Variants in APBB2 observed in about 807,000 individuals in gnomAD.
The protein encoded by APBB2 is amyloid beta precursor protein binding family B member 2, also known as Fe65-like 1.
In APBB2, 38 loss-of-function variants were observed where a neutral mutation model predicts 82.5. The observed-to-expected ratio is 0.46, with a 90% CI of 0.36 to 0.60. The LOEUF is 0.60. Ranked by LOEUF, APBB2 falls within the 20% of genes least tolerant of loss-of-function variation. The pLI, the probability that APBB2 is intolerant of heterozygous loss-of-function variation, is 0.00. For missense variants in APBB2, 772 were observed against 972.3 expected (o/e 0.79, Z 2.74); for synonymous variants, 341 against 368.2 (o/e 0.93, Z 0.85).
chr4:41,180,579 T>A (rs1184742249), intron 1 of APBB2, among the ~76,000 whole-genome samples: 1 of 151,934 alleles, frequency 6.6e-6, no homozygotes, highest in Non-Finnish European at 1.5e-5. Context: ...GCCCAGGAGG[T>A]CGAGGCTGCA....
intron 1 of APBB2, among the ~76,000 whole-genome samples, chr4:41,163,519 A>G (rs764235456): frequency 1.3e-5 from 2 of 152,208 alleles, no homozygotes; most frequent in Non-Finnish European, 2.9e-5. Flanking sequence ...TTTCAGAGAA[A>G]GAAGATTACT....
intron 10 of APBB2, among the ~76,000 whole-genome samples, chr4:40,908,699 A>G (rs1007168255): frequency 6.6e-6 from 1 of 152,154 alleles, no homozygotes; most frequent in East Asian, 1.9e-4. Flanking sequence ...TAATCCCTCA[A>G]TGGGGAGTGA....
chr4:41,078,980 T>C (rs1736600769), intron 3 of APBB2, among the ~76,000 whole-genome samples: 1 of 152,070 alleles, frequency 6.6e-6, no homozygotes, highest in Admixed American at 6.5e-5. Context: ...CAACCCTGAA[T>C]CTAGAACCAG....
chr4:40,906,506 AAAAAG>A (rs1560857063), intron 10 of APBB2, among the ~76,000 whole-genome samples: 1 of 151,620 alleles, frequency 6.6e-6, no homozygotes, highest in Non-Finnish European at 1.5e-5. Flanking sequence ...AAAGAAAAGA[AAAAAG>A]AAAACAAAAA....
At chr4:41,148,044 A>G (rs1286992177) in intron 1 of APBB2, among the ~76,000 whole-genome samples, 1 of 152,210 alleles carries the variant, frequency 6.6e-6, no homozygotes, top group Non-Finnish European at 1.5e-5. Context: ...AAAGAAGAAT[A>G]TAAATTGTTT....
At chr4:41,135,325 C>T (rs900652348) in intron 2 of APBB2, among the ~76,000 whole-genome samples, 1 of 152,068 alleles carries the variant, frequency 6.6e-6, no homozygotes, top group East Asian at 1.9e-4. Flanking sequence ...ACAAACTGCA[C>T]CGAAAGATTT....
At chr4:40,934,315 A>T in intron 10 of APBB2, 141 bp downstream of exon 10, 1 of 783,052 alleles carries the variant, frequency 1.3e-6, no homozygotes, top group Non-Finnish European at 2.1e-6. Flanking sequence ...AGTGTCAGGG[A>T]GATTAGGAAA....
chr4:41,208,125 A>G (rs1208465541), intron 1 of APBB2, among the ~76,000 whole-genome samples: 2 of 152,190 alleles, frequency 1.3e-5, no homozygotes, highest in East Asian at 3.8e-4. Context: ...ACAGGGACAC[A>G]TCCCATACCT....
At chr4:40,907,877 C>T (rs559729747) in intron 10 of APBB2, among the ~76,000 whole-genome samples, 2 of 150,922 alleles carry the variant, frequency 1.3e-5, no homozygotes, top group African/African-American at 4.9e-5. Flanking sequence ...CCATGTTGCC[C>T]AGGCTGGTCT....
At position 40,919,545 on chromosome 4, in the gene APBB2, A is replaced by T. The variant is rs114750380; in HGVS notation, c.1254+14911T>A. Among the ~76,000 whole-genome samples, 1,095 of 152,338 alleles carry T rather than the reference A, an allele frequency of 7.2e-3. 14 individuals are homozygous for T. The highest frequency in any genetic ancestry group is 0.025 in the African/African-American group (1,039 of 41,554). Reference sequence around the variant, plus strand: ...TATGACATACTGTAAAACACTGCTAACATCATGATTCCCAGGCTCAGAGAA... The same window carrying T: ...TATGACATACTGTAAAACACTGCTATCATCATGATTCCCAGGCTCAGAGAA... On this transcript the variant is annotated intron_variant, in intron 10 of 17. Coordinates refer to ENST00000508593, the MANE Select transcript of APBB2 (RefSeq NM_004307.2).
At chr4:40,855,144 G>A (rs952977789) in intron 12 of APBB2, among the ~76,000 whole-genome samples, 8 of 152,262 alleles carry the variant, frequency 5.3e-5, no homozygotes, top group East Asian at 1.9e-4. Flanking sequence ...CCTCCAAGGC[G>A]GCCATCAGCA....
intron 12 of APBB2, among the ~76,000 whole-genome samples, chr4:40,860,808 G>A (rs975539778): frequency 2.0e-5 from 3 of 151,956 alleles, no homozygotes; most frequent in African/African-American, 4.8e-5. Flanking sequence ...ATATGACCAG[G>A]TAATCAGAAT....
chr4:41,075,803 T>C (rs1735450814), intron 3 of APBB2, among the ~76,000 whole-genome samples: 1 of 152,236 alleles, frequency 6.6e-6, no homozygotes, highest in South Asian at 2.1e-4. Flanking sequence ...TTTTCTATTA[T>C]ATTCTCAAAC....
intron 6 of APBB2, among the ~76,000 whole-genome samples, chr4:40,989,367 C>T (rs1033019305): frequency 6.6e-6 from 1 of 152,066 alleles, no homozygotes; most frequent in Non-Finnish European, 1.5e-5. Context: ...CGTTCATTTC[C>T]TGGGAGCAAA....
At chr4:40,913,756 A>G (rs1578392599) in intron 10 of APBB2, among the ~76,000 whole-genome samples, 2 of 151,992 alleles carry the variant, frequency 1.3e-5, no homozygotes, top group East Asian at 3.9e-4. Flanking sequence ...CTTTTTTCAC[A>G]TTTTCGTGCC....
intron 12 of APBB2, among the ~76,000 whole-genome samples, chr4:40,844,274 A>G (rs910573733): frequency 2.0e-5 from 3 of 152,182 alleles, no homozygotes; most frequent in African/African-American, 7.2e-5. Context: ...GTTACATGGT[A>G]TGCCCCACAA....
In APBB2 at chr4:41,193,581, T is replaced by C; in HGVS notation, c.-417+20824A>G. ...GGGACTCCCCAAGGTAAGCTACTTT[T>C]TGTCAGTGAGCTTAACATGTTCCTT... On this transcript the variant is annotated intron_variant, in intron 1 of 17. Coordinates refer to ENST00000508593, the MANE Select transcript of APBB2 (RefSeq NM_004307.2). 5.1e-6 allele frequency: 5 copies of C among 984,994 alleles called. No homozygotes were observed. The Admixed American group carries it at 3.1e-4, about 61-fold the overall frequency. The allele number at this position is 984,994 out of a possible 1,614,324, so 61.0% of individuals were successfully genotyped here. A position where few individuals can be genotyped will look rare whatever the true frequency, so the allele number is the denominator to read the frequency against.
chr4:40,846,052 T>G (rs1757533836), intron 12 of APBB2, among the ~76,000 whole-genome samples: 1 of 150,056 alleles, frequency 6.7e-6, no homozygotes, highest in Non-Finnish European at 1.5e-5. Context: ...GTGTGTCATT[T>G]ATCAGCTGTC....
chr4:40,881,528 C>CTT lies in APBB2; in HGVS notation c.1529+8834_1529+8835dup, dbSNP rs148967363. ...TTTCTTTCCTTTTATCTTTTCTTTTCTTTTTCTTTTTTTTTTTTTTTTTGA... is the reference window on the plus strand; with the variant it reads ...TTTCTTTCCTTTTATCTTTTCTTTTCTTTTTTTCTTTTTTTTTTTTTTTTTGA... On this transcript the variant is annotated intron_variant, in intron 12 of 17. Coordinates refer to ENST00000508593, the MANE Select transcript of APBB2 (RefSeq NM_004307.2). 988 of 154,696 alleles carry CTT rather than the reference C, an allele frequency of 6.4e-3. 55 individuals are homozygous for CTT. Among genetic ancestry groups the CTT allele is most frequent in the African/African-American group, 0.017 (514 of 31,016 alleles). 9.6% of individuals were successfully genotyped at this position (154,696 alleles called of 1,614,324 possible).
Sources: gnomAD v4.1 joint callset for allele counts (sites outside exome capture counted in the v4.1 genomes callset) on GRCh38, gnomAD v4.1.1 for gene constraint, MANE v1.5 for transcripts, NCBI Gene and HGNC (gene_info 2026-07-23, HGNC 2026-07-21) for gene names.